Variants in TRIM60 observed in about 807,000 individuals in gnomAD.
TRIM60 encodes the protein tripartite motif containing 60.
For missense variants in TRIM60, 524 were observed against 540.8 expected (o/e 0.97, Z 0.31); for synonymous variants, 189 against 195.2 (o/e 0.97, Z 0.27).
At chr4:165,033,083 G>A (rs1053803137) in intron 1 of TRIM60, among the ~76,000 whole-genome samples, 1 of 152,028 alleles carries the variant, frequency 6.6e-6, no homozygotes, top group Non-Finnish European at 1.5e-5. Flanking sequence ...CCAGCTACTC[G>A]GGAGGCTGAG....
rs571287502 is a variant in TRIM60, at chr4:165,039,882, C to T, written c.-4-187C>T. ...AGCTTTGAATTATTATATTATTATC[C>T]TCCAAGCTAAGGAGCAGTGGACTAA... is the stretch of plus-strand genomic sequence containing the variant. On this transcript the variant is annotated intron_variant, in intron 2 of 2. Transcript: ENST00000512596. 1.1e-4 allele frequency among the ~76,000 whole-genome samples: 16 copies of T among 152,056 alleles called. No homozygotes were observed. The East Asian group carries it at 2.1e-3, about 20-fold the overall frequency.
At chr4:165,036,312 T>C (rs999741079) in intron 1 of TRIM60, among the ~76,000 whole-genome samples, 3 of 152,264 alleles carry the variant, frequency 2.0e-5, no homozygotes, top group South Asian at 4.1e-4. Context: ...ATCAATGACA[T>C]ATAGATGTAG....
rs1207737320 is a variant in TRIM60, at chr4:165,040,922, T to G, written c.850T>G (p.Ser284Ala). 3 of 1,613,608 alleles carry G rather than the reference T, an allele frequency of 1.9e-6. No homozygotes were observed. The highest frequency in any genetic ancestry group is 1.3e-5 in the African/African-American group (1 of 75,048). ...KYGFSLPPQY[S>A]GLDRIIKPFQ... ...TGGTTTCAGTCTTCCTCCTCAATAT[T>G]CTGGCTTGGACAGAATTATCAAGCC... The change falls in exon 3 of 3, where the codon TCT (serine) becomes GCT (alanine). Residue 284 changes from serine (S) to alanine (A), a missense_variant. Transcript: ENST00000512596.
At chr4:165,034,911 A>G (rs1211035214) in intron 1 of TRIM60, among the ~76,000 whole-genome samples, 1 of 152,208 alleles carries the variant, frequency 6.6e-6, no homozygotes, top group Non-Finnish European at 1.5e-5. Flanking sequence ...AGTTAATGAC[A>G]TAAATGTAGG....
rs1197545994 is a variant in TRIM60, at chr4:165,041,049, T to C, written c.977T>C (p.Ile326Thr). Residue 326 changes from isoleucine (I) to threonine (T), a missense_variant, in exon 3 of 3, where the codon ATT becomes ACT. Coordinates refer to ENST00000512596, the MANE Select transcript of TRIM60 (RefSeq NM_152620.3). The part of the protein sequence containing the change: ...AVRYERKKRN[I>T]CYDPRRFYVC... ...CGATATGAAAGAAAAAAACGAAACA[T>C]TTGTTATGACCCAAGGAGATTTTAT... 1.2e-6 allele frequency: 2 copies of C among 1,613,822 alleles called. No homozygotes were observed. Among genetic ancestry groups the C allele is most frequent in the Admixed American group, 1.7e-5 (1 of 59,982 alleles).
At chr4:165,033,337 C>T (rs949567777) in intron 1 of TRIM60, among the ~76,000 whole-genome samples, 1 of 152,232 alleles carries the variant, frequency 6.6e-6, no homozygotes, top group Non-Finnish European at 1.5e-5. Flanking sequence ...ACGTTGTACA[C>T]CAGCATAAGA....
intron 1 of TRIM60, among the ~76,000 whole-genome samples, chr4:165,036,646 T>A (rs1046783650): frequency 1.3e-5 from 2 of 151,954 alleles, no homozygotes; most frequent in African/African-American, 4.8e-5. Context: ...TTTGAGACAC[T>A]GAGGCAGGCA....
intron 1 of TRIM60, among the ~76,000 whole-genome samples, chr4:165,037,818 A>G (rs979723967): frequency 6.6e-6 from 1 of 152,146 alleles, no homozygotes; most frequent in African/African-American, 2.4e-5. Flanking sequence ...CTTTTGTAAC[A>G]TTGACATTAT....
intron 1 of TRIM60, among the ~76,000 whole-genome samples, chr4:165,038,173 A>G (rs1365561983): frequency 6.6e-6 from 1 of 152,178 alleles, no homozygotes; most frequent in Non-Finnish European, 1.5e-5. Context: ...TCACCAGTAT[A>G]TATTTAAGCA....
Position 165,034,378 on chromosome 4 carries a change from T to C in TRIM60, c.-57+2266T>C, listed in dbSNP as rs552460004. On this transcript the variant is annotated intron_variant, in intron 1 of 2. Transcript: ENST00000512596. ...CATGTTAGTCAGGCTGGTCTCGAAC[T>C]CCAGACCTCATGATCCACCCACCTC... Among the ~76,000 whole-genome samples, 224 of 152,218 alleles carry C rather than the reference T, an allele frequency of 1.5e-3. 2 individuals carry two copies. The highest frequency in any genetic ancestry group is 5.3e-3 in the African/African-American group (220 of 41,544).
At chr4:165,038,379 T>C (rs1733670684) in intron 1 of TRIM60, among the ~76,000 whole-genome samples, 1 of 152,012 alleles carries the variant, frequency 6.6e-6, no homozygotes, top group African/African-American at 2.4e-5. Flanking sequence ...TGAATTACAT[T>C]TTTTTTCCCC....
chr4:165,032,504 C>T (rs1733527301), intron 1 of TRIM60, among the ~76,000 whole-genome samples: 1 of 152,326 alleles, frequency 6.6e-6, no homozygotes, highest in South Asian at 2.1e-4. Context: ...CCGCCTCGGC[C>T]TTCCAAAGTG....
Position 165,041,449 on chromosome 4 carries a change from A to G in TRIM60, c.1377A>G (p.Glu459=), listed in dbSNP as rs1733765225. ...WPYFYTGTDS[E]PLKICSVSDS... ...ATTTCTATACTGGAACAGATTCCGA[A>G]CCTCTTAAAATCTGCTCAGTATCAG... Residue 459 remains glutamate, a synonymous_variant, in exon 3 of 3, where the codon GAA becomes GAG. Transcript: ENST00000512596. The G allele has an allele frequency of 1.8e-5, 28 of 1,592,100 alleles. No individual in the cohort carries two copies. Among genetic ancestry groups the G allele is most frequent in the Non-Finnish European group, 2.3e-5 (27 of 1,168,796 alleles).
chr4:165,038,994 A>G (rs1234790237), intron 1 of TRIM60, among the ~76,000 whole-genome samples: 1 of 152,108 alleles, frequency 6.6e-6, no homozygotes, highest in Non-Finnish European at 1.5e-5. Context: ...CCTGGCAGGC[A>G]GAGGTTGCAG....
chr4:165,041,345 G>A lies in TRIM60; in HGVS notation c.1273G>A (p.Asp425Asn). The A allele has an allele frequency of 6.2e-7, 1 of 1,614,094 alleles. No individual in the cohort carries two copies. Among genetic ancestry groups the A allele is most frequent in the Non-Finnish European group, 8.5e-7 (1 of 1,179,974 alleles). Residue 425 changes from aspartate to asparagine, a missense_variant, in exon 3 of 3, where the codon GAT becomes AAT. Asp to Asn is a conservative substitution (Grantham distance 23). Transcript: ENST00000512596. ...IGIFLDYELG[D>N]LSFYNMNDRS... ...TATTTTTCTGGACTATGAATTGGGT[G>A]ATCTTTCCTTTTATAATATGAATGA... is the stretch of plus-strand genomic sequence containing the variant.
chr4:165,041,429 TATACTGGA>T lies in TRIM60; in HGVS notation c.1359_1366del (p.Thr454ArgfsTer6). 6.2e-7 allele frequency: 1 copy of T among 1,610,126 alleles called. No homozygotes were observed. Among genetic ancestry groups the T allele is most frequent in the Admixed American group, 1.7e-5 (1 of 59,596 alleles). On this transcript the variant is annotated frameshift_variant, in exon 3 of 3. Coordinates refer to ENST00000512596, the MANE Select transcript of TRIM60 (RefSeq NM_152620.3). LOFTEE classifies it low-confidence loss of function (END_TRUNC). ...CACAGAAGCCGTTTGGCCTTATTTCTATACTGGAACAGATTCCGAACCTCTTAAAATCT... is the reference window on the plus strand; with the variant it reads ...CACAGAAGCCGTTTGGCCTTATTTCTACAGATTCCGAACCTCTTAAAATCT...
At chr4:165,032,510 A>G (rs1169514281) in intron 1 of TRIM60, among the ~76,000 whole-genome samples, 1 of 152,114 alleles carries the variant, frequency 6.6e-6, no homozygotes. Flanking sequence ...CGGCCTTCCA[A>G]AGTGCTGGGG....
chr4:165,037,546 G>A (rs935751899), intron 1 of TRIM60, among the ~76,000 whole-genome samples: 2 of 151,894 alleles, frequency 1.3e-5, no homozygotes, highest in Admixed American at 6.6e-5. Context: ...GATGGTCTCC[G>A]TCTCTTGATC....
chr4:165,041,749 A>ATT (rs59349426), downstream of TRIM60: 40 of 269,146 alleles, frequency 1.5e-4, no homozygotes, highest in Middle Eastern at 1.2e-3. Context: ...ATTGCCTATA[A>ATT]TTTTTTTTTT....
Sources: gnomAD v4.1 joint callset for allele counts (sites outside exome capture counted in the v4.1 genomes callset) on GRCh38, gnomAD v4.1.1 for gene constraint, MANE v1.5 for transcripts, NCBI Gene and HGNC (gene_info 2026-07-23, HGNC 2026-07-21) for gene names.